Variants in REV3L observed in about 807,000 individuals in gnomAD.
The protein encoded by REV3L is REV3 like, DNA directed polymerase zeta catalytic subunit.
REV3L carries 69 observed loss-of-function variants against 299.4 expected under a neutral mutation model. The ratio of observed to expected loss-of-function variants is 0.23; its 90% CI spans 0.19 to 0.28. The LOEUF (loss-of-function observed/expected upper bound fraction) is 0.28. Ranked by LOEUF, REV3L falls within the 10% of genes least tolerant of loss-of-function variation. REV3L has a pLI of 1.00. For missense variants in REV3L, 3,128 were observed against 3,693.8 expected (o/e 0.85, Z 3.97); for synonymous variants, 1,238 against 1,271.4 (o/e 0.97, Z 0.56).
chr6:111,461,268 G>A, intron 1 of REV3L, among the ~76,000 whole-genome samples: 1 of 151,962 alleles, frequency 6.6e-6, no homozygotes, highest in Non-Finnish European at 1.5e-5. Flanking sequence ...GACTCTCTGT[G>A]GGCCTAGGGC....
At chr6:111,450,665 G>GCAAA (rs1276752857) in intron 1 of REV3L, among the ~76,000 whole-genome samples, 1 of 151,820 alleles carries the variant, frequency 6.6e-6, no homozygotes, top group Non-Finnish European at 1.5e-5. Context: ...TACTACAAGA[G>GCAAA]CAAACTATTA....
At chr6:111,470,513 G>A (rs1792069857) in intron 1 of REV3L, among the ~76,000 whole-genome samples, 1 of 152,124 alleles carries the variant, frequency 6.6e-6, no homozygotes, top group Non-Finnish European at 1.5e-5. Context: ...TTATAACAGG[G>A]CACACAGTCC....
chr6:111,330,054 G>A (rs570193810), intron 24 of REV3L, among the ~76,000 whole-genome samples: 5 of 152,150 alleles, frequency 3.3e-5, no homozygotes, highest in Non-Finnish European at 7.3e-5. Context: ...AATTTTGTTC[G>A]AAACTTTGAC....
At chr6:111,411,274 G>T (rs1582887840) in intron 3 of REV3L, among the ~76,000 whole-genome samples, 1 of 152,120 alleles carries the variant, frequency 6.6e-6, no homozygotes, top group Admixed American at 6.6e-5. Context: ...TCTGTAACAG[G>T]AAAGAAGCAG....
At chr6:111,331,650 A>G (rs1161160019) in intron 24 of REV3L, 26 bp downstream of exon 24, 2 of 1,491,624 alleles carry the variant, frequency 1.3e-6, no homozygotes, top group Admixed American at 3.4e-5. Context: ...CATAGTTGTT[A>G]TCTTTCATTT....
chr6:111,315,422 T>G, intron 26 of REV3L, 41 bp from the exon 27 acceptor site: 1 of 1,523,038 alleles, frequency 6.6e-7, no homozygotes, highest in Non-Finnish European at 9.0e-7. Flanking sequence ...GAGGAAGTCA[T>G]TATAACAAAA....
intron 13 of REV3L, among the ~76,000 whole-genome samples, chr6:111,371,736 G>C (rs577112491): frequency 2.0e-4 from 30 of 152,122 alleles, no homozygotes; most frequent in Admixed American, 5.9e-4. Flanking sequence ...GCTAATTTTT[G>C]TATTTTTAGT....
chr6:111,332,340 G>A (rs1183271069), intron 23 of REV3L, among the ~76,000 whole-genome samples: 2 of 151,912 alleles, frequency 1.3e-5, no homozygotes, highest in Middle Eastern at 6.3e-3. Context: ...CAAAGTGCTG[G>A]GATTACAGGT....
chr6:111,444,366 A>G (rs771634896), intron 1 of REV3L, among the ~76,000 whole-genome samples: 4 of 152,234 alleles, frequency 2.6e-5, no homozygotes, highest in Non-Finnish European at 4.4e-5. Context: ...AAAAACAAGC[A>G]TAAAAGGCTT....
intron 4 of REV3L, among the ~76,000 whole-genome samples, chr6:111,393,276 C>G (rs1414862974): frequency 6.6e-6 from 1 of 152,134 alleles, no homozygotes; most frequent in East Asian, 1.9e-4. Flanking sequence ...CTCGGCCTCC[C>G]AAAGTGCTGG....
chr6:111,361,434 A>C (rs1472306795), intron 16 of REV3L: 6 of 151,424 alleles, frequency 4.0e-5, no homozygotes, highest in East Asian at 1.9e-4. Flanking sequence ...AAAAAAACAA[A>C]AAAAAAAAAG....
chr6:111,373,991 G>C lies in REV3L; in HGVS notation c.4364C>G (p.Pro1455Arg). The change falls in exon 13 of 32, where the codon CCT (proline) becomes CGT (arginine). Residue 1455 changes from proline (P) to arginine (R), a missense_variant. Physicochemically the swap from Pro to Arg is moderately radical, Grantham distance 103. Around this residue, in one of 9 missense-constraint regions of REV3L, gnomAD observed 2,409 missense variants for 2,611.8 expected, o/e 0.92. Transcript: ENST00000368802. ...GNTASEESQM[P>R]NNCFVTSLRS... ...CAAGGAAGTTACAAAGCAATTATTAGGCATTTGGCTTTCCTCTGAAGCTGT... is the reference window on the plus strand; with the variant it reads ...CAAGGAAGTTACAAAGCAATTATTACGCATTTGGCTTTCCTCTGAAGCTGT... 1 of 1,614,086 alleles carries C rather than the reference G, an allele frequency of 6.2e-7. No homozygotes were observed. The highest frequency in any genetic ancestry group is 8.5e-7 in the Non-Finnish European group (1 of 1,179,986).
intron 1 of REV3L, among the ~76,000 whole-genome samples, chr6:111,468,507 C>T (rs1791781187): frequency 6.6e-6 from 1 of 152,054 alleles, no homozygotes; most frequent in South Asian, 2.1e-4. Context: ...CCATAAGGGC[C>T]TCTCAAGCAT....
chr6:111,326,774 C>T (rs1774872486), intron 25 of REV3L, among the ~76,000 whole-genome samples: 2 of 151,436 alleles, frequency 1.3e-5, no homozygotes, highest in African/African-American at 2.4e-5. Context: ...GAATATCATA[C>T]AGCCATAAAA....
At chr6:111,318,134 C>G (rs1773733438) in intron 26 of REV3L, among the ~76,000 whole-genome samples, 1 of 151,566 alleles carries the variant, frequency 6.6e-6, no homozygotes, top group African/African-American at 2.4e-5. Flanking sequence ...GTCACCCAGG[C>G]TGGGGTGCAG....
rs773070327 is a variant in REV3L, at chr6:111,374,259, A to T, written c.4096T>A (p.Ser1366Thr). The T allele has an allele frequency of 6.2e-7, 1 of 1,613,626 alleles. No homozygotes were observed. Among genetic ancestry groups the T allele is most frequent in the Non-Finnish European group, 8.5e-7 (1 of 1,179,622 alleles). Residue 1366 changes from serine (S) to threonine (T), a missense_variant, in exon 13 of 32, where the codon TCT (serine) becomes ACT (threonine). Around this residue, in one of 9 missense-constraint regions of REV3L, gnomAD observed 2,409 missense variants for 2,611.8 expected, o/e 0.92. Transcript: ENST00000368802. ...KNIFDLSNHL[S>T]QVAQNTQISS... ...ATCTGTGTATTCTGTGCTACCTGAG[A>T]TAAATGATTGGAAAGGTCAAATATA... is the stretch of plus-strand genomic sequence containing the variant.
intron 1 of REV3L, among the ~76,000 whole-genome samples, chr6:111,473,513 C>G (rs975305806): frequency 2.0e-5 from 3 of 151,622 alleles, no homozygotes; most frequent in African/African-American, 4.8e-5. Context: ...TATGTTTGCC[C>G]TAAACTCCTT....
Position 111,465,638 on chromosome 6 carries a change from C to T in REV3L, c.139+17112G>A, listed in dbSNP as rs189572579. Among the ~76,000 whole-genome samples the T allele has an allele frequency of 4.8e-4, 71 of 146,440 alleles. 1 individual carries two copies. Among genetic ancestry groups the T allele is most frequent in the Middle Eastern group, 7.3e-3 (2 of 274 alleles). ...ATCTCAGTTACTCGGGAGGCTAAGG[C>T]AGGAGAATCGCTTGAACCAGGGAGG... On this transcript the variant is annotated intron_variant, in intron 1 of 31. Coordinates refer to ENST00000368802, the MANE Select transcript of REV3L (RefSeq NM_001372078.1).
chr6:111,472,132 G>C (rs1234852052), intron 1 of REV3L: 1 of 1,261,100 alleles, frequency 7.9e-7, no homozygotes, highest in South Asian at 1.3e-5. Context: ...GCTTGTCTTG[G>C]GTTTTATTCT....
Sources: allele counts gnomAD v4.1 joint callset (sites outside exome capture counted in the v4.1 genomes callset), GRCh38; gene constraint gnomAD v4.1.1; regional missense constraint gnomAD v4.1.1; transcripts MANE v1.5; gene names NCBI Gene and HGNC (gene_info 2026-07-23, HGNC 2026-07-21).